Variants in TMEM255A observed in about 807,000 individuals in gnomAD.
TMEM255A encodes the protein family with sequence similarity 70, member A.
In TMEM255A, 14 loss-of-function variants were observed where a neutral mutation model predicts 23.5. The ratio of observed to expected loss-of-function variants is 0.60; its 90% confidence interval spans 0.39 to 0.93. The LOEUF (loss-of-function observed/expected upper bound fraction) is 0.93, where lower values mean the gene tolerates loss of function less well. TMEM255A is among the 40% of genes least tolerant of loss of function. TMEM255A has a pLI of 0.00. For missense variants in TMEM255A, 233 were observed against 261.7 expected, an observed-to-expected ratio of 0.89 and a Z score of 0.76; for synonymous variants, 104 against 100.3, an observed-to-expected ratio of 1.04 and a Z score of -0.22.
At chrX:120,271,411 C>T (rs1220215544) in intron 7 of TMEM255A, among the ~76,000 whole-genome samples, 2 of 111,674 alleles carry the variant, frequency 1.8e-5, no homozygotes, top group African/African-American at 6.5e-5. Flanking sequence ...TAATACCTAC[C>T]TCACAAAGTA....
intron 4 of TMEM255A, among the ~76,000 whole-genome samples, chrX:120,290,930 G>T (rs1207307564): frequency 8.1e-5 from 9 of 111,211 alleles, no homozygotes; most frequent in Admixed American, 6.7e-4. Flanking sequence ...CTGATCCTTT[G>T]CCTTCTCAAA....
Position 120,285,777 on chromosome X carries a change from C to T in TMEM255A, c.424-562G>A. ...GTCATTATTAATATTTTTACAGTCA[C>T]CAAATTAACGCAAGAAAGCTATCAC... On this transcript the variant is annotated intron_variant, in intron 5 of 8. Coordinates refer to ENST00000371369, the MANE Select transcript of TMEM255A (RefSeq NM_001104544.3). 3 of 1,195,911 alleles carry T rather than the reference C, an allele frequency of 2.5e-6. No individual in the cohort carries two copies. The Admixed American group carries it at 6.6e-5, about 26-fold the overall frequency.
chrX:120,277,456 T>C (rs1556020071), intron 6 of TMEM255A, among the ~76,000 whole-genome samples: 1 of 112,632 alleles, frequency 8.9e-6, no homozygotes, highest in Non-Finnish European at 1.9e-5. Flanking sequence ...AAAAATTCAG[T>C]TGGTAAGTCT....
intron 7 of TMEM255A, chrX:120,273,193 G>T: frequency 5.0e-6 from 1 of 201,002 alleles, no homozygotes; most frequent in Middle Eastern, 1.7e-3. Context: ...ATCAACATTA[G>T]GTAAACAAAT....
At chrX:120,277,751 C>G (rs1245359927) in intron 6 of TMEM255A, among the ~76,000 whole-genome samples, 2 of 112,077 alleles carry the variant, frequency 1.8e-5, no homozygotes, top group Non-Finnish European at 3.8e-5. Flanking sequence ...AAAAAACAAA[C>G]AAATAAAAAC....
chrX:120,285,826 G>T, intron 5 of TMEM255A: 1 of 1,202,216 alleles, frequency 8.3e-7, no homozygotes, highest in Non-Finnish European at 1.1e-6. Flanking sequence ...GAACAGCAAT[G>T]ACATTTTACA....
At chrX:120,311,118 G>A (rs2058098410) in intron 1 of TMEM255A, 134 bp downstream of exon 1, 3 of 580,185 alleles carry the variant, frequency 5.2e-6, no homozygotes, top group Admixed American at 3.0e-5. Flanking sequence ...CCAGACGCTG[G>A]GGCGCGAAGA....
chrX:120,304,812 T>C (rs1168513530), intron 1 of TMEM255A, among the ~76,000 whole-genome samples: 3 of 111,777 alleles, frequency 2.7e-5, no homozygotes, highest in Non-Finnish European at 5.6e-5. Context: ...AGTAGAGTGG[T>C]TTTTTAGACC....
At chrX:120,258,339 C>T (rs1281981155), downstream of TMEM255A, 5 of 123,437 alleles carry the variant, frequency 4.1e-5, no homozygotes, top group African/African-American at 1.6e-4. Context: ...TTTCATTAAC[C>T]ATGGCCTGAT....
chrX:120,287,138 C>T lies in TMEM255A; in HGVS notation c.423+16G>A, dbSNP rs1315902179. On this transcript the variant is annotated intron_variant, in intron 5 of 8. Coordinates refer to ENST00000371369, the MANE Select transcript of TMEM255A (RefSeq NM_001104544.3). ...TTTCCCAGGAGGTAAAGACATGCAG[C>T]CTCATTCTGGCTCACCTCCTCAGCT... 2 of 1,197,551 alleles carry T rather than the reference C, an allele frequency of 1.7e-6. No individual in the cohort carries two copies. The highest frequency in any genetic ancestry group is 2.3e-6 in the Non-Finnish European group (2 of 882,650).
At chrX:120,285,335 C>T in intron 5 of TMEM255A, 120 bp from the exon 6 acceptor site, 3 of 698,583 alleles carry the variant, frequency 4.3e-6, no homozygotes, top group Middle Eastern at 3.1e-4. Flanking sequence ...AAATGAACAC[C>T]CAATGTGTGG....
chrX:120,253,667 T>C (rs782407451), downstream of TMEM255A: 1 of 1,212,084 alleles, frequency 8.3e-7, no homozygotes, highest in Non-Finnish European at 1.1e-6. Context: ...TTCTCAATTA[T>C]ATCTATAGTT....
chrX:120,252,440 T>C, the TMEM255A span, among the ~76,000 whole-genome samples: 1 of 111,627 alleles, frequency 9.0e-6, no homozygotes, highest in South Asian at 3.7e-4. Context: ...GATGTTTTGC[T>C]AGTGCTACAC....
the TMEM255A span, among the ~76,000 whole-genome samples, chrX:120,251,883 T>C: frequency 8.9e-6 from 1 of 112,381 alleles, no homozygotes; most frequent in African/African-American, 3.2e-5. Context: ...ATTCCCATAT[T>C]GGAAGAACCC....
chrX:120,301,292 G>A (rs1221717452), intron 2 of TMEM255A, among the ~76,000 whole-genome samples: 2 of 112,204 alleles, frequency 1.8e-5, no homozygotes, highest in African/African-American at 3.2e-5. Context: ...GATTTGTATG[G>A]TAAGTCTTCT....
intron 7 of TMEM255A, among the ~76,000 whole-genome samples, chrX:120,274,746 G>T (rs2057784677): frequency 8.9e-6 from 1 of 111,849 alleles, no homozygotes; most frequent in Admixed American, 9.5e-5. Context: ...AGTGGACAAG[G>T]AGAAAAAGGA....
chrX:120,302,913 C>G (rs1556026275), intron 2 of TMEM255A, among the ~76,000 whole-genome samples: 1 of 111,110 alleles, frequency 9.0e-6, no homozygotes, highest in Non-Finnish European at 1.9e-5. Context: ...ACCTCTCTCT[C>G]TCTCTCTCAT....
chrX:120,260,137 C>T lies in TMEM255A; in HGVS notation c.*733G>A. On this transcript the variant is annotated 3_prime_UTR_variant, in exon 9 of 9. Transcript: ENST00000371369. ...GCAACATGTAGTAGAACCACTGTCT[C>T]CTAAGTGATCTACTTAAAACATCTC... 1 of 734,718 alleles carries T rather than the reference C, an allele frequency of 1.4e-6. No individual in the cohort carries two copies. 60.5% of individuals were successfully genotyped at this position (734,718 alleles called of 1,213,427 possible).
intron 6 of TMEM255A, among the ~76,000 whole-genome samples, chrX:120,283,356 A>C (rs2057849866): frequency 9.0e-6 from 1 of 111,300 alleles, no homozygotes; most frequent in African/African-American, 3.3e-5. Flanking sequence ...TGGCACAAGC[A>C]AAGAAGGTAA....
Sources: allele counts gnomAD v4.1 joint callset (sites outside exome capture counted in the v4.1 genomes callset), GRCh38; gene constraint gnomAD v4.1.1; transcripts MANE v1.5; gene names NCBI Gene and HGNC (gene_info 2026-07-23, HGNC 2026-07-21).